The following RIN2 variants were observed in gnomAD, a reference collection of about 807,000 sequenced individuals.
RIN2 encodes the protein Ras and Rab interactor 2.
Under a neutral mutation model 78.0 loss-of-function variants are expected in RIN2, and 36 were observed. That is an observed-to-expected ratio of 0.46 (90% CI 0.35 to 0.61). RIN2 has a LOEUF of 0.61. Among genes scored for constraint, RIN2 ranks in the 20% least tolerant of loss-of-function variants. RIN2 has a pLI of 0.00. For missense variants in RIN2, 1,087 were observed against 1,159.7 expected (o/e 0.94, Z 0.91); for synonymous variants, 466 against 466.8 (o/e 1.00, Z 0.02).
chr20:19,921,190 T>C (rs188444176), intron 3 of RIN2, among the ~76,000 whole-genome samples: 3 of 152,296 alleles, frequency 2.0e-5, no homozygotes, highest in East Asian at 1.9e-4. Flanking sequence ...GTTTACAATT[T>C]AGTTATTAAT....
At chr20:19,893,131 C>T (rs888075881) in intron 3 of RIN2, among the ~76,000 whole-genome samples, 5 of 152,150 alleles carry the variant, frequency 3.3e-5, no homozygotes, top group African/African-American at 1.2e-4. Flanking sequence ...AATATATAAC[C>T]TAATCTGGGG....
At chr20:19,821,624 C>T (rs1224994389) in intron 2 of RIN2, among the ~76,000 whole-genome samples, 7 of 152,012 alleles carry the variant, frequency 4.6e-5, no homozygotes, top group African/African-American at 1.7e-4. Flanking sequence ...AAAGCACTTG[C>T]TCCTTTCTCA....
In RIN2 at chr20:19,935,175, G is replaced by A; in HGVS notation, c.134G>A (p.Gly45Asp). Residue 45 changes from glycine (G) to aspartate (D), a missense_variant, in exon 4 of 13, where the codon GGC becomes GAC. Around this residue, in one of 8 missense-constraint regions of RIN2, gnomAD observed 706 missense variants for 667.5 expected, o/e 1.06. Transcript: ENST00000255006. ...CGGACAGATGTCAACCTGGAAAATG[G>A]CCTGGAACCCGCTGAAACCCACAGG... ...MVRTDVNLEN[G>D]LEPAETHSMV... is the part of the protein sequence containing the mutation. 1 of 1,602,522 alleles carries A rather than the reference G, an allele frequency of 6.2e-7. No individual in the cohort carries two copies. The highest frequency in any genetic ancestry group is 8.5e-7 in the Non-Finnish European group (1 of 1,174,466).
chr20:19,968,342 G>A (rs2042002226), intron 7 of RIN2, among the ~76,000 whole-genome samples: 1 of 152,138 alleles, frequency 6.6e-6, no homozygotes, highest in Admixed American at 6.6e-5. Flanking sequence ...TAACTCTTGG[G>A]TGAAACATTT....
chr20:19,891,630 C>T (rs2038466156), intron 3 of RIN2, among the ~76,000 whole-genome samples: 3 of 152,148 alleles, frequency 2.0e-5, no homozygotes, highest in Admixed American at 6.5e-5. Flanking sequence ...ACGAGCCTGG[C>T]CAACATGGCG....
intron 3 of RIN2, among the ~76,000 whole-genome samples, chr20:19,923,415 CAAAAT>C (rs1276348193): frequency 1.1e-5 from 1 of 87,894 alleles, no homozygotes; most frequent in Admixed American, 1.1e-4. Context: ...GACTGTGTCT[CAAAAT>C]AAAATAAATA....
intron 3 of RIN2, among the ~76,000 whole-genome samples, chr20:19,896,935 A>G (rs2038757600): frequency 6.6e-6 from 1 of 152,250 alleles, no homozygotes; most frequent in Admixed American, 6.5e-5. Context: ...ATAGATATAA[A>G]AAAGTATTAA....
intron 2 of RIN2, among the ~76,000 whole-genome samples, chr20:19,816,083 C>A (rs1012974216): frequency 1.3e-5 from 2 of 152,168 alleles, no homozygotes; most frequent in African/African-American, 4.8e-5. Flanking sequence ...ATAGCTTGAA[C>A]CTTACTATAT....
chr20:19,792,305 C>A (rs780207853), intron 1 of RIN2, among the ~76,000 whole-genome samples: 1 of 152,094 alleles, frequency 6.6e-6, no homozygotes, highest in Non-Finnish European at 1.5e-5. Flanking sequence ...TAAAAGATGG[C>A]GAAAGGAAGA....
At chr20:19,794,055 G>A (rs1252620746) in intron 1 of RIN2, among the ~76,000 whole-genome samples, 5 of 152,136 alleles carry the variant, frequency 3.3e-5, no homozygotes, top group African/African-American at 1.2e-4. Flanking sequence ...ACTAAGGCAG[G>A]ATGAACTGAA....
At chr20:19,779,496 C>G (rs1163148203) in intron 1 of RIN2, among the ~76,000 whole-genome samples, 1 of 152,096 alleles carries the variant, frequency 6.6e-6, no homozygotes, top group Non-Finnish European at 1.5e-5. Flanking sequence ...GTATAGCTAA[C>G]TTGCTTAGGA....
At chr20:19,889,769 G>T in intron 3 of RIN2, 111 bp downstream of exon 3, 1 of 823,506 alleles carries the variant, frequency 1.2e-6, no homozygotes, top group Non-Finnish European at 1.8e-6. Context: ...AGCCAGCACC[G>T]GCTAAGGGAG....
At chr20:19,843,771 A>G (rs2123105948) in intron 2 of RIN2, among the ~76,000 whole-genome samples, 1 of 152,360 alleles carries the variant, frequency 6.6e-6, no homozygotes. Context: ...GACAAGCAAT[A>G]TTGAAAAATA....
intron 2 of RIN2, chr20:19,824,008 C>G: frequency 1.0e-6 from 1 of 991,236 alleles, no homozygotes; most frequent in Non-Finnish European, 1.5e-6. Context: ...GCACCTTGGC[C>G]TCCTCCGAGC....
rs957558413 is a variant in RIN2 at position 19,996,822 on chromosome 20, C to G, written c.2344C>G (p.Pro782Ala). The change falls in exon 12 of 13, where the codon CCC becomes GCC. Residue 782 changes from proline (P) to alanine (A), a missense_variant. Physicochemically the swap from Pro to Ala is conservative, Grantham distance 27. Around this residue, in one of 8 missense-constraint regions of RIN2, gnomAD observed 160 missense variants for 179.4 expected, o/e 0.89. Coordinates refer to ENST00000255006, the MANE Select transcript of RIN2 (RefSeq NM_018993.4). The stretch of plus-strand genomic sequence containing the variant: ...ACGGAGAACCACCAACCGGACCATC[C>G]CCTCTGTGGACGACTTCCAGGTGTG... Reference protein sequence around the residue: ...HKRRTTNRTIPSVDDFQNYLR... With the variant: ...HKRRTTNRTIASVDDFQNYLR... The G allele has an allele frequency of 1.3e-6, 2 of 1,599,524 alleles. No homozygotes were observed. The highest frequency in any genetic ancestry group is 8.5e-7 in the Non-Finnish European group (1 of 1,172,668).
At chr20:19,878,801 T>C (rs1213588264) in intron 2 of RIN2, among the ~76,000 whole-genome samples, 1 of 152,162 alleles carries the variant, frequency 6.6e-6, no homozygotes, top group African/African-American at 2.4e-5. Context: ...TTTTCCATAA[T>C]CTAATTCTTT....
intron 8 of RIN2, among the ~76,000 whole-genome samples, chr20:19,972,315 C>G (rs1301261929): frequency 6.6e-6 from 1 of 152,304 alleles, no homozygotes; most frequent in East Asian, 1.9e-4. Context: ...CTCCCGACCT[C>G]TGTCCACATA....
At chr20:19,971,735 ATT>A (rs61019165) in intron 8 of RIN2, among the ~76,000 whole-genome samples, 12 of 91,530 alleles carry the variant, frequency 1.3e-4, no homozygotes, top group African/African-American at 2.0e-4. Context: ...TGAAACTGCA[ATT>A]TTTTTTTTTT....
intron 4 of RIN2, among the ~76,000 whole-genome samples, chr20:19,951,661 T>C (rs2041321881): frequency 6.6e-6 from 1 of 152,224 alleles, no homozygotes. Flanking sequence ...CACTCAATTT[T>C]TGCTTGCATT....
Sources: gnomAD v4.1 joint callset for allele counts (sites outside exome capture counted in the v4.1 genomes callset) on GRCh38, gnomAD v4.1.1 for gene constraint, gnomAD v4.1.1 regional missense constraint, MANE v1.5 for transcripts, NCBI Gene and HGNC (gene_info 2026-07-23, HGNC 2026-07-21) for gene names.